Variants in CALN1 observed in about 807,000 individuals in gnomAD.
CALN1 encodes the protein calneuron 1.
Under a neutral mutation model 30.6 loss-of-function variants are expected in CALN1, and 17 were observed. That is an observed-to-expected ratio of 0.56 (90% CI 0.38 to 0.83). The LOEUF is 0.83. Ranked by LOEUF, CALN1 falls within the 40% of genes least tolerant of loss-of-function variation. The pLI is 0.00. For missense variants in CALN1, 291 were observed against 354.9 expected (o/e 0.82, Z 1.45); for synonymous variants, 156 against 131.4 (o/e 1.19, Z -1.28).
chr7:71,822,749 C>T (rs765476809), intron 5 of CALN1, among the ~76,000 whole-genome samples: 1 of 152,128 alleles, frequency 6.6e-6, no homozygotes, highest in Non-Finnish European at 1.5e-5. Context: ...CTTTTATTTT[C>T]CTACCTTTTG....
the CALN1 span, among the ~76,000 whole-genome samples, chr7:72,453,993 A>AATATATAT: frequency 1.3e-5 from 2 of 148,214 alleles, no homozygotes. Flanking sequence ...ACAACCAAAA[A>AATATATAT]ATATATATAT....
At chr7:72,110,267 T>G (rs374433176) in intron 3 of CALN1, among the ~76,000 whole-genome samples, 4 of 152,186 alleles carry the variant, frequency 2.6e-5, no homozygotes, top group African/African-American at 9.7e-5. Flanking sequence ...GAACATGGCC[T>G]GGAAATGAGG....
intron 3 of CALN1, among the ~76,000 whole-genome samples, chr7:72,242,753 T>TG (rs1224101841): frequency 1.3e-5 from 2 of 152,154 alleles, no homozygotes; most frequent in African/African-American, 4.8e-5. Flanking sequence ...ACAGGCGTGG[T>TG]GGCATGTGCC....
intron 5 of CALN1, among the ~76,000 whole-genome samples, chr7:71,971,953 A>AGAAAGAAAAGAAAG (rs1266444348): frequency 4.1e-5 from 3 of 72,838 alleles, no homozygotes; most frequent in African/African-American, 2.1e-4. Flanking sequence ...AAAAAAAAAA[A>AGAAAGAAAAGAAAG]AAAGAAAGAA....
chr7:72,054,639 C>G (rs1053394064), intron 4 of CALN1, among the ~76,000 whole-genome samples: 1 of 150,808 alleles, frequency 6.6e-6, no homozygotes, highest in South Asian at 2.1e-4. Context: ...AAGCTGTTAT[C>G]CTTAGCAAAC....
intron 5 of CALN1, among the ~76,000 whole-genome samples, chr7:71,824,590 G>A (rs1194252255): frequency 6.6e-6 from 1 of 152,006 alleles, no homozygotes; most frequent in Non-Finnish European, 1.5e-5. Flanking sequence ...ACAGCTGGGG[G>A]CCAACATCTT....
intron 5 of CALN1, among the ~76,000 whole-genome samples, chr7:71,974,298 A>G (rs950611254): frequency 1.3e-5 from 2 of 151,604 alleles, no homozygotes; most frequent in African/African-American, 4.8e-5. Context: ...CGTGCCTGTG[A>G]TCCCAGCTAC....
intron 5 of CALN1, among the ~76,000 whole-genome samples, chr7:72,014,440 T>C (rs1181921563): frequency 6.6e-6 from 1 of 152,140 alleles, no homozygotes; most frequent in Non-Finnish European, 1.5e-5. Context: ...CATGATTTAT[T>C]TTCCATTCTG....
At chr7:72,119,497 C>T (rs1234867543) in intron 3 of CALN1, among the ~76,000 whole-genome samples, 1 of 147,430 alleles carries the variant, frequency 6.8e-6, no homozygotes, top group Non-Finnish European at 1.5e-5. Flanking sequence ...ATATCACTTG[C>T]ATTATATGGT....
At chr7:72,102,307 T>C (rs1806730390) in intron 4 of CALN1, among the ~76,000 whole-genome samples, 1 of 151,890 alleles carries the variant, frequency 6.6e-6, no homozygotes, top group African/African-American at 2.4e-5. Flanking sequence ...TAGCCGGGCG[T>C]GGTGGCGCAC....
intron 2 of CALN1, among the ~76,000 whole-genome samples, chr7:72,314,531 C>T (rs949906033): frequency 3.3e-5 from 5 of 151,218 alleles, no homozygotes; most frequent in African/African-American, 1.2e-4. Flanking sequence ...TCAAGTGATA[C>T]TCCTACCTCA....
intron 5 of CALN1, among the ~76,000 whole-genome samples, chr7:71,831,857 G>A (rs1789295432): frequency 3.1e-5 from 3 of 95,364 alleles, no homozygotes; most frequent in Middle Eastern, 0.016. Flanking sequence ...GGTGAAGGGA[G>A]TGAAACCCTG....
chr7:71,963,978 G>C (rs1251469488), intron 5 of CALN1, among the ~76,000 whole-genome samples: 1 of 152,058 alleles, frequency 6.6e-6, no homozygotes, highest in Non-Finnish European at 1.5e-5. Context: ...AATATGTCTT[G>C]TTTTCAATGT....
intron 3 of CALN1, among the ~76,000 whole-genome samples, chr7:72,273,339 T>G (rs1797119933): frequency 6.7e-6 from 1 of 150,016 alleles, no homozygotes; most frequent in Non-Finnish European, 1.5e-5. Context: ...GGAGAATCAC[T>G]TGAACCCAGG....
At chr7:71,883,947 C>T (rs1216762635) in intron 5 of CALN1, among the ~76,000 whole-genome samples, 1 of 152,148 alleles carries the variant, frequency 6.6e-6, no homozygotes. Context: ...GACAGAGTCT[C>T]TCTGTTGCCA....
intron 6 of CALN1, among the ~76,000 whole-genome samples, chr7:71,805,075 TC>T (rs1431558951): frequency 6.6e-6 from 1 of 152,246 alleles, no homozygotes; most frequent in African/African-American, 2.4e-5. Context: ...TGAAATCTTT[TC>T]CATGCTCCAG....
At chr7:72,182,817 C>T (rs1293748240) in intron 3 of CALN1, among the ~76,000 whole-genome samples, 3 of 151,028 alleles carry the variant, frequency 2.0e-5, no homozygotes. Flanking sequence ...GATAGGAACA[C>T]TAGCTTCTGT....
intron 4 of CALN1, among the ~76,000 whole-genome samples, chr7:72,027,417 A>G (rs905956289): frequency 6.6e-6 from 1 of 152,118 alleles, no homozygotes; most frequent in African/African-American, 2.4e-5. Context: ...ATTTTTGCAA[A>G]GACATCATGA....
chr7:71,796,895 C>A, intron 6 of CALN1, among the ~76,000 whole-genome samples: 1 of 152,192 alleles, frequency 6.6e-6, no homozygotes, highest in East Asian at 1.9e-4. Flanking sequence ...CCATGCATGA[C>A]AGACTGGTGG....
Sources: allele counts gnomAD v4.1 joint callset (sites outside exome capture counted in the v4.1 genomes callset), GRCh38; gene constraint gnomAD v4.1.1; transcripts MANE v1.5; gene names NCBI Gene and HGNC (gene_info 2026-07-23, HGNC 2026-07-21).